Variants in SORCS2 observed in about 807,000 individuals in gnomAD.
SORCS2 encodes VPS10 domain-containing receptor SorCS2.
A neutral mutation model predicts 141.6 loss-of-function variants in SORCS2; 100 were observed. The ratio of observed to expected loss-of-function variants is 0.71; its 90% confidence interval spans 0.60 to 0.83. SORCS2 has a LOEUF of 0.83. SORCS2 is among the 40% of genes least tolerant of loss of function. The pLI is 0.00. For missense variants in SORCS2, 1,646 were observed against 1,560.2 expected (o/e 1.05, Z -0.93); for synonymous variants, 789 against 676.9 (o/e 1.17, Z -2.57).
intron 3 of SORCS2, among the ~76,000 whole-genome samples, chr4:7,564,880 T>A (rs1279866073): frequency 6.6e-6 from 1 of 152,250 alleles, no homozygotes; most frequent in Admixed American, 6.5e-5. Context: ...TTTTTGTCAT[T>A]GCTTGCCTTA....
intron 2 of SORCS2, among the ~76,000 whole-genome samples, chr4:7,465,278 G>A (rs1729551144): frequency 6.6e-6 from 1 of 152,244 alleles, no homozygotes. Flanking sequence ...CTCAGCGGTT[G>A]CCATTTGTCT....
At position 7,667,342 on chromosome 4, in the gene SORCS2, C is replaced by G. The variant is rs186860747; in HGVS notation, c.1161+129C>G. 170 of 811,720 alleles carry G rather than the reference C, an allele frequency of 2.1e-4. No individual in the cohort carries two copies. In the African/African-American group the frequency reaches 2.5e-3, roughly 12 times the overall value. 50.3% of individuals were successfully genotyped at this position (811,720 alleles called of 1,614,324 possible). On this transcript the variant is annotated intron_variant, in intron 8 of 26. Transcript: ENST00000507866. ...AGGATGGACAAGAACAGTGTGGCCACGCTTCGTCCAGCTGCTCACCCCTCA... is the reference window on the plus strand; with the variant it reads ...AGGATGGACAAGAACAGTGTGGCCAGGCTTCGTCCAGCTGCTCACCCCTCA...
rs987855493 is a variant in SORCS2, at chr4:7,663,181, A to ATGAG, written c.953-1160_953-1157dup. Among the ~76,000 whole-genome samples the ATGAG allele has an allele frequency of 6.6e-6, 1 of 151,432 alleles. No individual in the cohort carries two copies. The highest frequency in any genetic ancestry group is 2.4e-5 in the African/African-American group (1 of 41,178). On this transcript the variant is annotated intron_variant, in intron 6 of 26. Transcript: ENST00000507866. This position sits in a 1 kb window ranked among gnomAD's most constrained non-coding sequence, Gnocchi z 4.8. ...GAGTGAGTGAATGAGTGATGAGTGA[A>ATGAG]TGAGTGAGTGAGTGAAGAGTGAATG...
intron 23 of SORCS2, among the ~76,000 whole-genome samples, chr4:7,730,282 C>A (rs558139982): frequency 2.6e-5 from 4 of 152,260 alleles, no homozygotes; most frequent in African/African-American, 9.6e-5. Flanking sequence ...CCAAGTGTTG[C>A]CAAGGAAGCA....
intron 2 of SORCS2, among the ~76,000 whole-genome samples, chr4:7,522,582 C>T (rs995734966): frequency 4.6e-5 from 7 of 152,106 alleles, no homozygotes; most frequent in Non-Finnish European, 5.9e-5. Context: ...GCTCAGTAAG[C>T]GCTGTCGTCC....
chr4:7,494,318 G>C (rs1432547647), intron 2 of SORCS2, among the ~76,000 whole-genome samples: 1 of 152,174 alleles, frequency 6.6e-6, no homozygotes, highest in African/African-American at 2.4e-5. Flanking sequence ...CCATGTTTTA[G>C]TCCTTTAAGC....
chr4:7,322,870 G>A (rs543138524), intron 1 of SORCS2, among the ~76,000 whole-genome samples: 1 of 152,254 alleles, frequency 6.6e-6, no homozygotes, highest in Non-Finnish European at 1.5e-5. Context: ...GACCAGCTGC[G>A]GCTCCTCAGC....
intron 1 of SORCS2, among the ~76,000 whole-genome samples, chr4:7,325,405 A>G (rs551129320): frequency 3.5e-4 from 53 of 152,246 alleles, no homozygotes; most frequent in South Asian, 1.7e-3. Context: ...GAAATAATGA[A>G]TGAATGAATG....
At chr4:7,739,754 C>T (rs1253376660) in intron 26 of SORCS2, among the ~76,000 whole-genome samples, 4 of 152,172 alleles carry the variant, frequency 2.6e-5, no homozygotes, top group Non-Finnish European at 2.9e-5. Flanking sequence ...AGCCCCCACC[C>T]GGGACACCCG....
intron 1 of SORCS2, among the ~76,000 whole-genome samples, chr4:7,378,997 G>A (rs187165005): frequency 5.9e-5 from 9 of 152,270 alleles, no homozygotes; most frequent in South Asian, 2.1e-4. Context: ...CTTCATTCTC[G>A]GGTAATATGC....
intron 3 of SORCS2, among the ~76,000 whole-genome samples, chr4:7,625,295 A>G (rs749471584): frequency 1.3e-5 from 2 of 152,152 alleles, no homozygotes. Context: ...CGAGTCAGAC[A>G]GAGCTGGGTC....
chr4:7,364,114 A>T (rs1721743738), intron 1 of SORCS2, among the ~76,000 whole-genome samples: 1 of 151,496 alleles, frequency 6.6e-6, no homozygotes, highest in South Asian at 2.1e-4. Flanking sequence ...CATTGTCACC[A>T]TCACCACCAC....
At chr4:7,433,400 C>T in intron 2 of SORCS2, 1 of 1,504,076 alleles carries the variant, frequency 6.6e-7, no homozygotes, top group Non-Finnish European at 8.9e-7. Context: ...TTGGCGGCCT[C>T]CTGGCTCCTG....
At position 7,480,744 on chromosome 4, in the gene SORCS2, G is replaced by T. The variant is rs377252276; in HGVS notation, c.549-50786G>T. Among the ~76,000 whole-genome samples, 18 of 152,310 alleles carry T rather than the reference G, an allele frequency of 1.2e-4. No individual in the cohort carries two copies. In the East Asian group the frequency reaches 2.7e-3, roughly 23 times the overall value. ...TGGGGAGGGCGCTGACCGTGCAGAC[G>T]CATCCCCTCCACCCGCCCCAGGCTC... On this transcript the variant is annotated intron_variant, in intron 2 of 26. Coordinates refer to ENST00000507866, the MANE Select transcript of SORCS2 (RefSeq NM_020777.3).
chr4:7,231,517 CCATCCATCCATCCATCCATT>C (rs1395619370), intron 1 of SORCS2, among the ~76,000 whole-genome samples: 2 of 151,974 alleles, frequency 1.3e-5, no homozygotes, highest in South Asian at 2.1e-4. Context: ...CTGCATCTGT[CCATCCATCCATCCATCCATT>C]CATCCATCCA....
intron 1 of SORCS2, among the ~76,000 whole-genome samples, chr4:7,302,564 A>G (rs2108901885): frequency 6.6e-6 from 1 of 152,248 alleles, no homozygotes; most frequent in Non-Finnish European, 1.5e-5. Flanking sequence ...ACTGCAACCC[A>G]GGGCCCTCCC....
At chr4:7,386,487 GCA>G (rs1221928746) in intron 1 of SORCS2, among the ~76,000 whole-genome samples, 11 of 61,786 alleles carry the variant, frequency 1.8e-4, no homozygotes, top group Middle Eastern at 0.014. Flanking sequence ...ATACACATTT[GCA>G]CACACGCACA....
At chr4:7,460,954 T>G (rs1729266382) in intron 2 of SORCS2, among the ~76,000 whole-genome samples, 1 of 146,940 alleles carries the variant, frequency 6.8e-6, no homozygotes, top group Admixed American at 6.9e-5. Context: ...CATCGAGGAT[T>G]TCATTTCTCC....
Position 7,697,290 on chromosome 4 carries a change from G to A in SORCS2, c.1668+16G>A, listed in dbSNP as rs554184485. 3.8e-6 allele frequency: 6 copies of A among 1,572,834 alleles called. No individual in the cohort carries two copies. Among genetic ancestry groups the A allele is most frequent in the African/African-American group, 2.7e-5 (2 of 74,126 alleles). On this transcript the variant is annotated intron_variant, in intron 12 of 26. Transcript: ENST00000507866. ...CTGGCGGCAGGTAAGCTGGCTGGGA[G>A]GTGCCTGGTACCCCCCACCCCATCC...
Sources: allele counts gnomAD v4.1 joint callset (sites outside exome capture counted in the v4.1 genomes callset), GRCh38; gene constraint gnomAD v4.1.1; non-coding constraint Gnocchi (gnomAD v3.1); transcripts MANE v1.5; gene names NCBI Gene and HGNC (gene_info 2026-07-23, HGNC 2026-07-21).